TENM3: variants seen among roughly 807,000 people sequenced by gnomAD.
TENM3 encodes teneurin transmembrane protein 3, also known as teneurin-3.
TENM3 carries 63 observed loss-of-function variants against 255.1 expected under a neutral mutation model. That is an observed-to-expected ratio of 0.25 (90% CI 0.20 to 0.30). TENM3 has a LOEUF of 0.30. TENM3 is among the 10% of genes least tolerant of loss of function. TENM3 has a pLI of 1.00. For synonymous variants in TENM3, 1,306 were observed against 1,322.3 expected (o/e 0.99, Z 0.27); for missense variants, 2,929 against 3,461.1 (o/e 0.85, Z 3.86).
intron 3 of TENM3, among the ~76,000 whole-genome samples, chr4:182,483,956 C>T (rs974194901): frequency 2.0e-5 from 3 of 152,170 alleles, no homozygotes; most frequent in African/African-American, 7.2e-5. Context: ...TCCCACTAGG[C>T]TTCTCCTCCA....
intron 3 of TENM3, among the ~76,000 whole-genome samples, chr4:182,568,623 C>T (rs1744037084): frequency 6.6e-6 from 1 of 152,158 alleles, no homozygotes; most frequent in Admixed American, 6.5e-5. Context: ...TAAACACTTA[C>T]TTGTGAGCCA....
At chr4:181,643,190 A>C in the TENM3 span, among the ~76,000 whole-genome samples, 1 of 152,042 alleles carries the variant, frequency 6.6e-6, no homozygotes, top group African/African-American at 2.4e-5. Context: ...TATTTCCTTG[A>C]GCAGTGGTTT....
chr4:182,004,162 A>G, the TENM3 span, among the ~76,000 whole-genome samples: 8 of 152,252 alleles, frequency 5.3e-5, no homozygotes, highest in South Asian at 1.7e-3. Context: ...ATAGGTATAC[A>G]TGTGCCATGG....
intron 3 of TENM3, among the ~76,000 whole-genome samples, chr4:182,352,722 T>C (rs1765266389): frequency 6.6e-6 from 1 of 152,184 alleles, no homozygotes; most frequent in African/African-American, 2.4e-5. Context: ...TTAAGTCTAC[T>C]TTCTGTATGG....
chr4:181,527,229 C>G, the TENM3 span, among the ~76,000 whole-genome samples: 2 of 152,184 alleles, frequency 1.3e-5, no homozygotes, highest in African/African-American at 4.8e-5. Flanking sequence ...AAGTTTTTAA[C>G]TTTTAATTAG....
chr4:181,915,670 G>C, the TENM3 span, among the ~76,000 whole-genome samples: 1 of 134,380 alleles, frequency 7.4e-6, no homozygotes, highest in Non-Finnish European at 1.6e-5. Context: ...GGGAGGGGAG[G>C]ACGGAAGGGG....
chr4:182,293,741 G>A (rs1394030517), intron 1 of TENM3, among the ~76,000 whole-genome samples: 3 of 150,062 alleles, frequency 2.0e-5, no homozygotes, highest in Non-Finnish European at 4.5e-5. Context: ...TCCTCCACAT[G>A]CTTTAAAGCG....
the TENM3 span, among the ~76,000 whole-genome samples, chr4:181,609,946 A>G: frequency 2.0e-5 from 3 of 152,200 alleles, no homozygotes; most frequent in Non-Finnish European, 2.9e-5. Context: ...CTGGAACATA[A>G]GAAAAACGAC....
At chr4:181,980,474 G>C in the TENM3 span, 1 of 152,150 alleles carries the variant, frequency 6.6e-6, no homozygotes, top group African/African-American at 2.4e-5. Flanking sequence ...TTGGGGGAAG[G>C]TCAAAAATGG....
intron 3 of TENM3, among the ~76,000 whole-genome samples, chr4:182,523,242 A>G (rs955198747): frequency 6.6e-6 from 1 of 151,780 alleles, no homozygotes; most frequent in African/African-American, 2.4e-5. Context: ...ATGTTAAGTA[A>G]TGCTTAATTG....
At chr4:182,369,035 A>G (rs1470371383) in intron 3 of TENM3, among the ~76,000 whole-genome samples, 1 of 152,334 alleles carries the variant, frequency 6.6e-6, no homozygotes, top group African/African-American at 2.4e-5. Context: ...CCTCCCCCAC[A>G]TTAAATGTCA....
the TENM3 span, among the ~76,000 whole-genome samples, chr4:181,865,966 G>A: frequency 6.6e-6 from 1 of 152,196 alleles, no homozygotes; most frequent in Non-Finnish European, 1.5e-5. Context: ...TACAGAATAC[G>A]AATGGCTCTA....
chr4:182,060,770 T>G, the TENM3 span, among the ~76,000 whole-genome samples: 1 of 152,306 alleles, frequency 6.6e-6, no homozygotes, highest in Middle Eastern at 3.4e-3. Flanking sequence ...AATTACATAA[T>G]TGCGGGTATA....
chr4:181,579,187 G>T, the TENM3 span, among the ~76,000 whole-genome samples: 1 of 152,030 alleles, frequency 6.6e-6, no homozygotes, highest in Non-Finnish European at 1.5e-5. Flanking sequence ...TGCAGGAGAG[G>T]AAAATAAGCA....
the TENM3 span, among the ~76,000 whole-genome samples, chr4:181,645,399 G>A: frequency 6.6e-6 from 1 of 152,170 alleles, no homozygotes; most frequent in Non-Finnish European, 1.5e-5. Flanking sequence ...CTCAGGAGGA[G>A]GAATCTGGGG....
chr4:181,595,430 C>CAAAAAAAAAAAAAAAAAAAAA, the TENM3 span, among the ~76,000 whole-genome samples: 1 of 41,854 alleles, frequency 2.4e-5, no homozygotes, highest in African/African-American at 8.7e-5. Flanking sequence ...GACTCCATCC[C>CAAAAAAAAAAAAAAAAAAAAA]AAAAAAAAAA....
chr4:181,688,360 A>AT, the TENM3 span, among the ~76,000 whole-genome samples: 9 of 152,222 alleles, frequency 5.9e-5, no homozygotes, highest in South Asian at 6.2e-4. Context: ...AGGAAATTTG[A>AT]TTTTTTTATA....
chr4:181,619,683 C>G, the TENM3 span, among the ~76,000 whole-genome samples: 4 of 152,220 alleles, frequency 2.6e-5, no homozygotes, highest in South Asian at 8.3e-4. Flanking sequence ...CTCGCCTCAG[C>G]CTCCCAAACT....
chr4:182,161,637 A>ATG (rs1235982301), intron 1 of TENM3, among the ~76,000 whole-genome samples: 139 of 85,828 alleles, frequency 1.6e-3, no homozygotes, highest in East Asian at 5.4e-3. Context: ...AAATATATAT[A>ATG]TGTATATATA....
Sources: gnomAD v4.1 joint callset for allele counts (sites outside exome capture counted in the v4.1 genomes callset) on GRCh38, gnomAD v4.1.1 for gene constraint, MANE v1.5 for transcripts, NCBI Gene and HGNC (gene_info 2026-07-23, HGNC 2026-07-21) for gene names.